Variants in NEGR1 observed in about 807,000 individuals in gnomAD.
NEGR1 encodes neuronal growth regulator 1.
In NEGR1, 10 loss-of-function variants were observed where a neutral mutation model predicts 40.9. The observed-to-expected ratio is 0.24, with a 90% CI of 0.15 to 0.42. The LOEUF is 0.42. NEGR1 is among the 10% of genes least tolerant of loss of function. The pLI, the probability that NEGR1 is intolerant of heterozygous loss-of-function variation, is 1.00. For synonymous variants in NEGR1, 185 were observed against 166.8 expected (o/e 1.11, Z -0.84); for missense variants, 352 against 438.9 (o/e 0.80, Z 1.77).
intron 4 of NEGR1, among the ~76,000 whole-genome samples, chr1:71,665,632 T>C (rs1223595772): frequency 2.0e-5 from 3 of 152,158 alleles, no homozygotes; most frequent in African/African-American, 7.2e-5. Flanking sequence ...TCCCTTACAT[T>C]GAGCTCCATC....
chr1:71,424,471 T>G (rs1646416714), intron 6 of NEGR1, among the ~76,000 whole-genome samples: 2 of 152,192 alleles, frequency 1.3e-5, no homozygotes, highest in Non-Finnish European at 2.9e-5. Context: ...GACATTCCCA[T>G]CCCCTGGTTA....
rs577821800 is a variant in NEGR1, at chr1:71,894,683, A to C, written c.409+40396T>G. On this transcript the variant is annotated intron_variant, in intron 2 of 6. Transcript: ENST00000357731. ...CTTGCTAACTTGTTAACTTCATAAC[A>C]CGCTAACTTGTCAATCCTTCTTTAA... Among the ~76,000 whole-genome samples, 5 of 152,364 alleles carry C rather than the reference A, an allele frequency of 3.3e-5. No individual in the cohort carries two copies. The South Asian group carries it at 1.0e-3, about 32-fold the overall frequency.
chr1:71,650,803 A>C (rs1233637172), intron 4 of NEGR1, among the ~76,000 whole-genome samples: 5 of 152,168 alleles, frequency 3.3e-5, no homozygotes, highest in African/African-American at 1.2e-4. Context: ...AGTGTCAGCT[A>C]TTATCTGCTA....
intron 1 of NEGR1, among the ~76,000 whole-genome samples, chr1:72,126,871 C>T (rs1251711919): frequency 1.3e-5 from 2 of 152,190 alleles, no homozygotes; most frequent in Non-Finnish European, 2.9e-5. Flanking sequence ...GAGGATCCCA[C>T]AACTTAGAAA....
chr1:71,600,571 C>T (rs1375876041), intron 5 of NEGR1, among the ~76,000 whole-genome samples: 1 of 152,080 alleles, frequency 6.6e-6, no homozygotes, highest in Admixed American at 6.5e-5. Flanking sequence ...GGCTTACAAA[C>T]AAAGGAGCCA....
At chr1:71,842,310 T>A (rs1210487599) in intron 2 of NEGR1, among the ~76,000 whole-genome samples, 1 of 152,140 alleles carries the variant, frequency 6.6e-6, no homozygotes, top group African/African-American at 2.4e-5. Flanking sequence ...GGAAATCCAC[T>A]ACCTATCCAT....
chr1:71,743,639 G>A (rs1377522856), intron 3 of NEGR1, among the ~76,000 whole-genome samples: 1 of 151,992 alleles, frequency 6.6e-6, no homozygotes, highest in Non-Finnish European at 1.5e-5. Context: ...CTCTCTAATA[G>A]GGCCCTAATA....
Position 71,695,146 on chromosome 1 carries a change from T to C in NEGR1, c.667+2862A>G, listed in dbSNP as rs138270719. 3.5e-3 allele frequency among the ~76,000 whole-genome samples: 525 copies of C among 151,922 alleles called. 1 individual carries two copies. The highest frequency in any genetic ancestry group is 4.9e-3 in the Non-Finnish European group (333 of 67,790). On this transcript the variant is annotated intron_variant, in intron 4 of 6. Coordinates refer to ENST00000357731, the MANE Select transcript of NEGR1 (RefSeq NM_173808.3). ...AAATTAACACTTTGCAAACCTTTTA[T>C]AACAAGAAACTTTTTCAGACATACT...
At chr1:71,808,448 T>C (rs977815471) in intron 2 of NEGR1, among the ~76,000 whole-genome samples, 1 of 152,180 alleles carries the variant, frequency 6.6e-6, no homozygotes, top group East Asian at 1.9e-4. Context: ...TTATGCCAGG[T>C]AAATATTTTC....
At chr1:71,771,604 C>G (rs1656326306) in intron 3 of NEGR1, among the ~76,000 whole-genome samples, 2 of 139,420 alleles carry the variant, frequency 1.4e-5, no homozygotes, top group South Asian at 2.3e-4. Flanking sequence ...GAGGCTGAGA[C>G]AGGAGAATCG....
chr1:71,860,819 T>A (rs1476217924), intron 2 of NEGR1, among the ~76,000 whole-genome samples: 1 of 152,024 alleles, frequency 6.6e-6, no homozygotes, highest in African/African-American at 2.4e-5. Context: ...ATAAGCAATT[T>A]CCCAAGTCAT....
intron 6 of NEGR1, among the ~76,000 whole-genome samples, chr1:71,591,593 A>G (rs940905868): frequency 2.6e-5 from 4 of 152,118 alleles, no homozygotes; most frequent in South Asian, 2.1e-4. Flanking sequence ...AATATTTTCA[A>G]TGGTTTATAT....
At chr1:72,087,332 G>T (rs999505798) in intron 1 of NEGR1, among the ~76,000 whole-genome samples, 1 of 152,044 alleles carries the variant, frequency 6.6e-6, no homozygotes, top group Non-Finnish European at 1.5e-5. Flanking sequence ...TCCAGAGGCT[G>T]AGGCAGGAGA....
intron 2 of NEGR1, among the ~76,000 whole-genome samples, chr1:71,934,433 T>C (rs1444841616): frequency 4.6e-5 from 7 of 152,120 alleles, no homozygotes; most frequent in Non-Finnish European, 8.8e-5. Flanking sequence ...TGTGTACATA[T>C]TTTCTCAATT....
chr1:72,142,564 T>TAGATAGAC (rs1379077750), intron 1 of NEGR1, among the ~76,000 whole-genome samples: 8 of 150,524 alleles, frequency 5.3e-5, no homozygotes, highest in East Asian at 1.9e-4. Flanking sequence ...GATAGATAGA[T>TAGATAGAC]AGACAGATAG....
At chr1:72,272,308 T>A (rs1054246509) in intron 1 of NEGR1, among the ~76,000 whole-genome samples, 9 of 151,838 alleles carry the variant, frequency 5.9e-5, no homozygotes, top group African/African-American at 2.2e-4. Context: ...TTTTGAACGC[T>A]AATAACCTAC....
At chr1:71,719,702 G>A (rs1349952868) in intron 3 of NEGR1, among the ~76,000 whole-genome samples, 1 of 151,820 alleles carries the variant, frequency 6.6e-6, no homozygotes, top group East Asian at 1.9e-4. Flanking sequence ...AGGTATACAT[G>A]TGCCATGTTG....
chr1:71,906,792 C>G (rs1238513853), intron 2 of NEGR1, among the ~76,000 whole-genome samples: 1 of 152,154 alleles, frequency 6.6e-6, no homozygotes, highest in Non-Finnish European at 1.5e-5. Flanking sequence ...TAATTCACAT[C>G]TGCTAACTTA....
At chr1:71,636,409 A>T (rs912535622) in intron 4 of NEGR1, among the ~76,000 whole-genome samples, 2 of 152,072 alleles carry the variant, frequency 1.3e-5, no homozygotes, top group African/African-American at 4.8e-5. Context: ...AATGGCAGAA[A>T]CATTTTTTGA....
Sources: allele counts gnomAD v4.1 joint callset (sites outside exome capture counted in the v4.1 genomes callset), GRCh38; gene constraint gnomAD v4.1.1; transcripts MANE v1.5; gene names NCBI Gene and HGNC (gene_info 2026-07-23, HGNC 2026-07-21).